The following NCKAP5L variants were observed in gnomAD, a reference collection of about 807,000 sequenced individuals.
The protein encoded by NCKAP5L is NCK associated protein 5 like.
A neutral mutation model predicts 103.2 loss-of-function variants in NCKAP5L; 54 were observed. The observed-to-expected ratio is 0.52, with a 90% CI of 0.42 to 0.66. The LOEUF (loss-of-function observed/expected upper bound fraction) is 0.66, where lower values mean the gene tolerates loss of function less well. NCKAP5L is among the 30% of genes least tolerant of loss of function. The pLI, the probability that NCKAP5L is intolerant of heterozygous loss-of-function variation, is 0.00. For synonymous variants in NCKAP5L, 762 were observed against 748.6 expected, an observed-to-expected ratio of 1.02 and a Z score of -0.29; for missense variants, 1,733 against 1,750.6, an observed-to-expected ratio of 0.99 and a Z score of 0.18.
Position 49,792,164 on chromosome 12 carries a change from G to A in NCKAP5L, c.3793-113C>T, listed in dbSNP as rs1945946527. ...CACCTGATGGGGGGCTGCTCCAGAG[G>A]GGGCCCAAGGTGGGGTATACTTCAG... On this transcript the variant is annotated intron_variant, in intron 12 of 12. Transcript: ENST00000335999. The surrounding 1 kb of genome is among the most constrained non-coding windows in gnomAD (Gnocchi z 4.5). The A allele has an allele frequency of 9.1e-7, 1 of 1,095,744 alleles. No individual in the cohort carries two copies. The highest frequency in any genetic ancestry group is 1.3e-6 in the Non-Finnish European group (1 of 769,710). 67.9% of individuals were successfully genotyped at this position (1,095,744 alleles called of 1,614,324 possible).
At chr12:49,794,680 G>A in intron 8 of NCKAP5L, 85 bp downstream of exon 8, 1 of 1,109,240 alleles carries the variant, frequency 9.0e-7, no homozygotes, top group East Asian at 3.5e-5. Context: ...GGAAAAGCAG[G>A]CCTAGCTCCA....
chr12:49,793,062 A>C, intron 10 of NCKAP5L, 76 bp from the exon 11 acceptor site: 1 of 1,207,088 alleles, frequency 8.3e-7, no homozygotes, highest in Non-Finnish European at 1.1e-6. Flanking sequence ...CTTCCCGCCC[A>C]GCCCAGGCTC....
Position 49,792,097 on chromosome 12 carries a change from C to A in NCKAP5L, c.3793-46G>T. 1 of 1,452,332 alleles carries A rather than the reference C, an allele frequency of 6.9e-7. No individual in the cohort carries two copies. Among genetic ancestry groups the A allele is most frequent in the South Asian group, 1.4e-5 (1 of 71,338 alleles). 90.0% of individuals were successfully genotyped at this position (1,452,332 alleles called of 1,614,324 possible). A position where few individuals can be genotyped will look rare whatever the true frequency, so the allele number is the denominator to read the frequency against. ...CGGGAGGAAGCTCCTCTCCACCTTT[C>A]GGCCCAGCCTCAGAGGCACTGAGCT... On this transcript the variant is annotated intron_variant, in intron 12 of 12. Coordinates refer to ENST00000335999, the MANE Select transcript of NCKAP5L (RefSeq NM_001037806.4). The surrounding 1 kb of genome is among the most constrained non-coding windows in gnomAD (Gnocchi z 4.5).
chr12:49,828,056 C>G (rs1268780795), intron 1 of NCKAP5L, among the ~76,000 whole-genome samples: 1 of 85,130 alleles, frequency 1.2e-5, no homozygotes, highest in African/African-American at 4.5e-5. Context: ...TCCGGGGCCA[C>G]GGAGTGTGCG....
chr12:49,792,161 GA>G lies in NCKAP5L; in HGVS notation c.3793-111del. ...GTGCACCTGATGGGGGGCTGCTCCAGAGGGGGCCCAAGGTGGGGTATACTTC... is the reference window on the plus strand; with the variant it reads ...GTGCACCTGATGGGGGGCTGCTCCAGGGGGGCCCAAGGTGGGGTATACTTC... On this transcript the variant is annotated intron_variant, in intron 12 of 12. Transcript: ENST00000335999. This position sits in a 1 kb window ranked among gnomAD's most constrained non-coding sequence, Gnocchi z 4.5. The G allele has an allele frequency of 1.8e-6, 2 of 1,117,628 alleles. No individual in the cohort carries two copies. The highest frequency in any genetic ancestry group is 2.5e-6 in the Non-Finnish European group (2 of 789,670). 69.2% of individuals were successfully genotyped at this position (1,117,628 alleles called of 1,614,324 possible). A position where few individuals can be genotyped will look rare whatever the true frequency, so the allele number is the denominator to read the frequency against.
chr12:49,817,362 G>T (rs781339006), intron 1 of NCKAP5L, among the ~76,000 whole-genome samples: 7 of 151,940 alleles, frequency 4.6e-5, no homozygotes, highest in South Asian at 2.1e-4. Flanking sequence ...TCTCACAAAA[G>T]AATTACTTTG....
intron 6 of NCKAP5L, among the ~76,000 whole-genome samples, chr12:49,799,487 AT>A (rs1048539993): frequency 3.3e-5 from 5 of 149,536 alleles, no homozygotes; most frequent in Non-Finnish European, 6.0e-5. Flanking sequence ...TTAAAAAAAA[AT>A]TTTTTTTTTG....
rs909538013 is a variant in NCKAP5L at position 49,811,409 on chromosome 12, C to A, written c.-98-5368G>T. Among the ~76,000 whole-genome samples the A allele has an allele frequency of 5.3e-5, 8 of 152,226 alleles. No homozygotes were observed. In the South Asian group the frequency reaches 1.2e-3, roughly 24 times the overall value. ...GAGGATTAAAGCCAGCAGAGGGGAA[C>A]CCCCTCACACCTCCTGCCGCCACCC... On this transcript the variant is annotated intron_variant, in intron 1 of 12. Coordinates refer to ENST00000335999, the MANE Select transcript of NCKAP5L (RefSeq NM_001037806.4).
At chr12:49,827,775 C>G (rs1565599810) in intron 1 of NCKAP5L, among the ~76,000 whole-genome samples, 1 of 152,216 alleles carries the variant, frequency 6.6e-6, no homozygotes, top group Non-Finnish European at 1.5e-5. Context: ...TCTAGGAGAC[C>G]CGGTCTTTCC....
chr12:49,793,851 C>A lies in NCKAP5L; in HGVS notation c.3141G>T (p.Lys1047Asn). ...ELPSKSWREP[K>N]PEYGDFQPVS... ...CCGGCTGGAAATCCCCGTACTCAGGCTTGGGCTCCCGCCAGCTCTTGGATG... is the reference window on the plus strand; with the variant it reads ...CCGGCTGGAAATCCCCGTACTCAGGATTGGGCTCCCGCCAGCTCTTGGATG... The change falls in exon 9 of 13, where the codon AAG (lysine) becomes AAT (asparagine). Residue 1047 changes from lysine (K) to asparagine (N), a missense_variant. Coordinates refer to ENST00000335999, the MANE Select transcript of NCKAP5L (RefSeq NM_001037806.4). 1 of 1,576,226 alleles carries A rather than the reference C, an allele frequency of 6.3e-7. No homozygotes were observed. Among genetic ancestry groups the A allele is most frequent in the Non-Finnish European group, 8.6e-7 (1 of 1,161,610 alleles).
intron 1 of NCKAP5L, among the ~76,000 whole-genome samples, 154 bp downstream of exon 1, chr12:49,828,168 G>A (rs1005439748): frequency 5.3e-5 from 8 of 151,974 alleles, no homozygotes; most frequent in Non-Finnish European, 4.4e-5. Context: ...GGAGGGGCGG[G>A]CAGCAGGGTT....
chr12:49,799,993 C>T (rs889155539), intron 6 of NCKAP5L, among the ~76,000 whole-genome samples: 6 of 152,138 alleles, frequency 3.9e-5, no homozygotes, highest in African/African-American at 1.2e-4. Context: ...GTCAGGAGTT[C>T]GAGACCAGCC....
chr12:49,819,050 A>T (rs1946332072), intron 1 of NCKAP5L, among the ~76,000 whole-genome samples: 2 of 148,620 alleles, frequency 1.3e-5, no homozygotes, highest in Non-Finnish European at 1.5e-5. Context: ...AAAAAAAAAA[A>T]GGCCGGGTGC....
chr12:49,796,346 C>A lies in NCKAP5L; in HGVS notation c.1514G>T (p.Gly505Val). The A allele has an allele frequency of 6.4e-7, 1 of 1,562,536 alleles. No individual in the cohort carries two copies. The change falls in exon 8 of 13, where the codon GGT (glycine) becomes GTT (valine). Residue 505 changes from glycine (G) to valine (V), a missense_variant. Transcript: ENST00000335999. Reference protein sequence around the residue: ...GSPSPLLARRGLGGGELSPEG... With the variant: ...GSPSPLLARRVLGGGELSPEG... ...TGGGGACAGCTCTCCTCCACCCAGA[C>A]CCCTTCGGGCCAACAGTGGGGAGGG...
chr12:49,822,401 C>G (rs1358667144), intron 1 of NCKAP5L, among the ~76,000 whole-genome samples: 3 of 152,034 alleles, frequency 2.0e-5, no homozygotes, highest in African/African-American at 7.3e-5. Flanking sequence ...GCAACAAATA[C>G]AGTAGACATG....
chr12:49,818,969 G>A (rs949259998), intron 1 of NCKAP5L, among the ~76,000 whole-genome samples: 1 of 150,780 alleles, frequency 6.6e-6, no homozygotes, highest in African/African-American at 2.4e-5. Flanking sequence ...GGCCAAGGCA[G>A]GAGGATCACT....
Position 49,796,266 on chromosome 12 carries a change from A to G in NCKAP5L, c.1594T>C (p.Ser532Pro), listed in dbSNP as rs1194249557. The change falls in exon 8 of 13, where the codon TCC (serine) becomes CCC (proline). Residue 532 changes from serine (S) to proline (P), a missense_variant. Transcript: ENST00000335999. ...GACTGCGGGGGTCTGAGCTGTGTGG[A>G]GTCTGGGGTTGTGTAGCAGGGTGAA... ...SPSPCYTTPD[S>P]TQLRPPQSAL... 6.4e-7 allele frequency: 1 copy of G among 1,554,802 alleles called. No individual in the cohort carries two copies. Among genetic ancestry groups the G allele is most frequent in the South Asian group, 1.2e-5 (1 of 81,064 alleles).
At chr12:49,817,519 T>C (rs1381083106) in intron 1 of NCKAP5L, among the ~76,000 whole-genome samples, 2 of 152,148 alleles carry the variant, frequency 1.3e-5, no homozygotes, top group African/African-American at 4.8e-5. Flanking sequence ...AAGTTTGTTC[T>C]TGAGCAAAAG....
At position 49,792,174 on chromosome 12, in the gene NCKAP5L, G is replaced by A. The variant is rs1489312042; in HGVS notation, c.3793-123C>T. 9.5e-7 allele frequency: 1 copy of A among 1,056,578 alleles called. No individual in the cohort carries two copies. Among genetic ancestry groups the A allele is most frequent in the Non-Finnish European group, 1.4e-6 (1 of 730,988 alleles). 65.5% of individuals were successfully genotyped at this position (1,056,578 alleles called of 1,614,324 possible). On this transcript the variant is annotated intron_variant, in intron 12 of 12. Transcript: ENST00000335999. The surrounding 1 kb of genome is among the most constrained non-coding windows in gnomAD (Gnocchi z 4.5). ...GGGGCTGCTCCAGAGGGGGCCCAAGGTGGGGTATACTTCAGAGGAAACAGG... is the reference window on the plus strand; with the variant it reads ...GGGGCTGCTCCAGAGGGGGCCCAAGATGGGGTATACTTCAGAGGAAACAGG...
Sources: allele counts gnomAD v4.1 joint callset (sites outside exome capture counted in the v4.1 genomes callset), GRCh38; gene constraint gnomAD v4.1.1; non-coding constraint Gnocchi (gnomAD v3.1); transcripts MANE v1.5; gene names NCBI Gene and HGNC (gene_info 2026-07-23, HGNC 2026-07-21).